Variants in RPS15 observed in about 807,000 individuals in gnomAD.
The protein encoded by RPS15 is ribosomal protein S15, also known as small ribosomal subunit protein uS19.
RPS15 carries 5 observed loss-of-function variants against 14.9 expected under a neutral mutation model. That is an observed-to-expected ratio of 0.34 (90% CI 0.18 to 0.70). RPS15 has a LOEUF of 0.70. Among genes scored for constraint, RPS15 ranks in the 30% least tolerant of loss-of-function variants. The pLI, the probability that RPS15 is intolerant of heterozygous loss-of-function variation, is 0.65. For missense variants in RPS15, 102 were observed against 204.2 expected (o/e 0.50, Z 3.05); for synonymous variants, 103 against 85.0 (o/e 1.21, Z -1.16).
chr19:1,439,731 G>T, intron 2 of RPS15: 1 of 600,398 alleles, frequency 1.7e-6, no homozygotes. Flanking sequence ...TTTGGCCCGA[G>T]CTGTACGCTG....
Position 1,438,717 on chromosome 19 carries a change from C to T in RPS15, c.4-90C>T, listed in dbSNP as rs1403489779. 6.5e-7 allele frequency: 1 copy of T among 1,533,956 alleles called. No individual in the cohort carries two copies. Among genetic ancestry groups the T allele is most frequent in the African/African-American group, 1.4e-5 (1 of 72,740 alleles). On this transcript the variant is annotated intron_variant, in intron 1 of 3. Coordinates refer to ENST00000592588, the MANE Select transcript of RPS15 (RefSeq NM_001018.5). This position sits in a 1 kb window ranked among gnomAD's most constrained non-coding sequence, Gnocchi z 4.8. ...CCTGTCGGGCTTCTGTCCCCGGCGGCGCCGCGCGTCTTCCGCGGTGTCCTC... is the reference window on the plus strand; with the variant it reads ...CCTGTCGGGCTTCTGTCCCCGGCGGTGCCGCGCGTCTTCCGCGGTGTCCTC...
rs748778795 is a variant in RPS15 at position 1,438,504 on chromosome 19, G to A, written c.3+76G>A. 2 of 1,610,216 alleles carry A rather than the reference G, an allele frequency of 1.2e-6. No individual in the cohort carries two copies. Among genetic ancestry groups the A allele is most frequent in the Non-Finnish European group, 8.5e-7 (1 of 1,178,660 alleles). On this transcript the variant is annotated intron_variant, in intron 1 of 3. Coordinates refer to ENST00000592588, the MANE Select transcript of RPS15 (RefSeq NM_001018.5). The surrounding 1 kb of genome is among the most constrained non-coding windows in gnomAD (Gnocchi z 4.8). ...AACCTCTGACCGTCTCGCGGGGGCC[G>A]CAGTTCGTCCCCGCGGCTACGGCGG...
At chr19:1,440,309 G>A (rs1475570707) in intron 3 of RPS15, 40 bp from the exon 4 acceptor site, 1 of 1,608,758 alleles carries the variant, frequency 6.2e-7, no homozygotes, top group Non-Finnish European at 8.5e-7. Flanking sequence ...GATGCAGGCG[G>A]GATCAGCTGA....
chr19:1,438,654 C>G lies in RPS15; in HGVS notation c.4-153C>G, dbSNP rs1296174335. 1 of 1,529,762 alleles carries G rather than the reference C, an allele frequency of 6.5e-7. No homozygotes were observed. 94.8% of individuals were successfully genotyped at this position (1,529,762 alleles called of 1,614,324 possible). A position where few individuals can be genotyped will look rare whatever the true frequency, so the allele number is the denominator to read the frequency against. On this transcript the variant is annotated intron_variant, in intron 1 of 3. Coordinates refer to ENST00000592588, the MANE Select transcript of RPS15 (RefSeq NM_001018.5). The surrounding 1 kb of genome is among the most constrained non-coding windows in gnomAD (Gnocchi z 4.8). ...TGTCCGGGTCCTCGTAACCCGGAGC[C>G]GCGAGTGATCCCCGGGGACGGGTCG... is the stretch of plus-strand genomic sequence containing the variant.
rs2144988056 is a variant in RPS15, at chr19:1,438,854, C to T, written c.51C>T (p.Tyr17=). Residue 17 remains tyrosine (Y), a synonymous_variant, in exon 2 of 4, where the codon TAC becomes TAT. Transcript: ENST00000592588. The surrounding 1 kb of genome is among the most constrained non-coding windows in gnomAD (Gnocchi z 4.8). The part of the protein sequence containing the change: ...KKKRTFRKFT[Y]RGVDLDQLLD... ...AGCGGACCTTCCGCAAGTTCACCTA[C>T]CGCGGCGTGGACCTCGACCAGCTGC... The T allele has an allele frequency of 1.3e-6, 2 of 1,595,256 alleles. No homozygotes were observed. Among genetic ancestry groups the T allele is most frequent in the Non-Finnish European group, 1.7e-6 (2 of 1,171,696 alleles).
Position 1,438,966 on chromosome 19 carries a change from CG to C in RPS15, c.89+79del. Reference sequence around the variant, plus strand: ...GCTTGTCCGGGTGAGGGCGGCGGGGCGGGGGTCCAAGCGCCTCTGCGGCGGT... The same window carrying C: ...GCTTGTCCGGGTGAGGGCGGCGGGGCGGGGTCCAAGCGCCTCTGCGGCGGT... On this transcript the variant is annotated intron_variant, in intron 2 of 3. Coordinates refer to ENST00000592588, the MANE Select transcript of RPS15 (RefSeq NM_001018.5). This position sits in a 1 kb window ranked among gnomAD's most constrained non-coding sequence, Gnocchi z 4.8. The C allele has an allele frequency of 1.5e-6, 1 of 645,802 alleles. No homozygotes were observed. The highest frequency in any genetic ancestry group is 1.5e-5 in the South Asian group (1 of 65,824). 40.0% of individuals were successfully genotyped at this position (645,802 alleles called of 1,614,324 possible).
intron 2 of RPS15, 156 bp from the exon 3 acceptor site, chr19:1,439,863 C>T (rs994449850): frequency 4.3e-6 from 3 of 699,542 alleles, no homozygotes; most frequent in African/African-American, 1.8e-5. Context: ...GCCAGAGGGA[C>T]TTGGCGTGTT....
Position 1,438,716 on chromosome 19 carries a change from G to C in RPS15, c.4-91G>C. 1 of 1,535,230 alleles carries C rather than the reference G, an allele frequency of 6.5e-7. No homozygotes were observed. Among genetic ancestry groups the C allele is most frequent in the South Asian group, 1.2e-5 (1 of 83,784 alleles). On this transcript the variant is annotated intron_variant, in intron 1 of 3. Coordinates refer to ENST00000592588, the MANE Select transcript of RPS15 (RefSeq NM_001018.5). The surrounding 1 kb of genome is among the most constrained non-coding windows in gnomAD (Gnocchi z 4.8). Reference sequence around the variant, plus strand: ...CCCTGTCGGGCTTCTGTCCCCGGCGGCGCCGCGCGTCTTCCGCGGTGTCCT... The same window carrying C: ...CCCTGTCGGGCTTCTGTCCCCGGCGCCGCCGCGCGTCTTCCGCGGTGTCCT...
Position 1,438,668 on chromosome 19 carries a change from G to A in RPS15, c.4-139G>A, listed in dbSNP as rs2083627972. 2.0e-6 allele frequency: 3 copies of A among 1,531,582 alleles called. No individual in the cohort carries two copies. Among genetic ancestry groups the A allele is most frequent in the Non-Finnish European group, 2.6e-6 (3 of 1,133,132 alleles). The allele number at this position is 1,531,582 out of a possible 1,614,324, so 94.9% of individuals were successfully genotyped here. Reference sequence around the variant, plus strand: ...TAACCCGGAGCCGCGAGTGATCCCCGGGGACGGGTCGAAGCGGTGTGTCCC... The same window carrying A: ...TAACCCGGAGCCGCGAGTGATCCCCAGGGACGGGTCGAAGCGGTGTGTCCC... On this transcript the variant is annotated intron_variant, in intron 1 of 3. Coordinates refer to ENST00000592588, the MANE Select transcript of RPS15 (RefSeq NM_001018.5). The surrounding 1 kb of genome is among the most constrained non-coding windows in gnomAD (Gnocchi z 4.8).
At position 1,438,471 on chromosome 19, in the gene RPS15, C is replaced by T; in HGVS notation, c.3+43C>T. On this transcript the variant is annotated intron_variant, in intron 1 of 3. Transcript: ENST00000592588. This position sits in a 1 kb window ranked among gnomAD's most constrained non-coding sequence, Gnocchi z 4.8. ...GCGCGTCTCTGCCGGGCCTATCCGG[C>T]TCCATCCAACCTCTGACCGTCTCGC... is the stretch of plus-strand genomic sequence containing the variant. 6.2e-7 allele frequency: 1 copy of T among 1,613,206 alleles called. No individual in the cohort carries two copies. Among genetic ancestry groups the T allele is most frequent in the Non-Finnish European group, 8.5e-7 (1 of 1,179,874 alleles).
Position 1,438,661 on chromosome 19 carries a change from G to A in RPS15, c.4-146G>A, listed in dbSNP as rs374430711. ...GTCCTCGTAACCCGGAGCCGCGAGT[G>A]ATCCCCGGGGACGGGTCGAAGCGGT... On this transcript the variant is annotated intron_variant, in intron 1 of 3. Coordinates refer to ENST00000592588, the MANE Select transcript of RPS15 (RefSeq NM_001018.5). The surrounding 1 kb of genome is among the most constrained non-coding windows in gnomAD (Gnocchi z 4.8). 1 of 1,530,852 alleles carries A rather than the reference G, an allele frequency of 6.5e-7. No individual in the cohort carries two copies. Among genetic ancestry groups the A allele is most frequent in the African/African-American group, 1.4e-5 (1 of 72,446 alleles). The allele number at this position is 1,530,852 out of a possible 1,614,324, so 94.8% of individuals were successfully genotyped here.
Position 1,440,483 on chromosome 19 carries a change from C to T in RPS15, c.*21C>T, listed in dbSNP as rs1569124178. On this transcript the variant is annotated 3_prime_UTR_variant, in exon 4 of 4. Transcript: ENST00000592588. ...AGTAATGGCTCAGCTAATAAAGGCG[C>T]ACATGACTCCAGTCCTTTGCGCAGC... 3 of 1,554,512 alleles carry T rather than the reference C, an allele frequency of 1.9e-6. No homozygotes were observed. The highest frequency in any genetic ancestry group is 2.7e-6 in the Non-Finnish European group (3 of 1,125,676).
intron 2 of RPS15, 160 bp from the exon 3 acceptor site, chr19:1,439,859 G>C: frequency 1.5e-6 from 1 of 683,624 alleles, no homozygotes; most frequent in East Asian, 2.7e-5. Flanking sequence ...GGGTGCCAGA[G>C]GGACTTGGCG....
intron 2 of RPS15, chr19:1,439,424 G>A: frequency 5.7e-6 from 1 of 176,536 alleles, no homozygotes; most frequent in South Asian, 1.2e-4. Flanking sequence ...CACCACGTCC[G>A]GCTAATTTTT....
At position 1,438,497 on chromosome 19, in the gene RPS15, G is replaced by T. The variant is rs765413492; in HGVS notation, c.3+69G>T. The T allele has an allele frequency of 1.2e-5, 20 of 1,611,438 alleles. No individual in the cohort carries two copies. Among genetic ancestry groups the T allele is most frequent in the East Asian group, 4.5e-5 (2 of 44,748 alleles). On this transcript the variant is annotated intron_variant, in intron 1 of 3. Coordinates refer to ENST00000592588, the MANE Select transcript of RPS15 (RefSeq NM_001018.5). This position sits in a 1 kb window ranked among gnomAD's most constrained non-coding sequence, Gnocchi z 4.8. ...TCCATCCAACCTCTGACCGTCTCGC[G>T]GGGGCCGCAGTTCGTCCCCGCGGCT...
At position 1,438,575 on chromosome 19, in the gene RPS15, G is replaced by C; in HGVS notation, c.3+147G>C. The stretch of plus-strand genomic sequence containing the variant: ...CGGCTGGATGTTGGGGCGAGGGGCG[G>C]ACTTGGTGGGTGTCGGGACGACGCG... On this transcript the variant is annotated intron_variant, in intron 1 of 3. Coordinates refer to ENST00000592588, the MANE Select transcript of RPS15 (RefSeq NM_001018.5). The surrounding 1 kb of genome is among the most constrained non-coding windows in gnomAD (Gnocchi z 4.8). 6.4e-7 allele frequency: 1 copy of C among 1,559,568 alleles called. No homozygotes were observed. The highest frequency in any genetic ancestry group is 8.7e-7 in the Non-Finnish European group (1 of 1,151,170).
Position 1,439,790 on chromosome 19 carries a change from A to G in RPS15, c.90-229A>G, listed in dbSNP as rs1418932931. 4 of 623,442 alleles carry G rather than the reference A, an allele frequency of 6.4e-6. No individual in the cohort carries two copies. In the African/African-American group the frequency reaches 7.3e-5, roughly 11 times the overall value. The allele number at this position is 623,442 out of a possible 1,614,324, so 38.6% of individuals were successfully genotyped here. ...TCTCCGGGCCGCTTGTTCTCTCTGAATCTCTGCAGTCACACGGTGGCTCTT... is the reference window on the plus strand; with the variant it reads ...TCTCCGGGCCGCTTGTTCTCTCTGAGTCTCTGCAGTCACACGGTGGCTCTT... On this transcript the variant is annotated intron_variant, in intron 2 of 3. Transcript: ENST00000592588.
intron 2 of RPS15, chr19:1,439,774 C>G (rs1355715211): frequency 1.6e-6 from 1 of 615,788 alleles, no homozygotes; most frequent in East Asian, 2.7e-5. Context: ...GTCTCCGGGC[C>G]GCTTGTTCTC....
rs538601430 is a variant in RPS15 at position 1,438,456 on chromosome 19, G to T, written c.3+28G>T. The stretch of plus-strand genomic sequence containing the variant: ...GAGTGTTGCGATTTGGCGCGTCTCT[G>T]CCGGGCCTATCCGGCTCCATCCAAC... On this transcript the variant is annotated intron_variant, in intron 1 of 3. Coordinates refer to ENST00000592588, the MANE Select transcript of RPS15 (RefSeq NM_001018.5). The surrounding 1 kb of genome is among the most constrained non-coding windows in gnomAD (Gnocchi z 4.8). 6.2e-7 allele frequency: 1 copy of T among 1,613,286 alleles called. No homozygotes were observed. The highest frequency in any genetic ancestry group is 1.1e-5 in the South Asian group (1 of 91,086).
Sources: gnomAD v4.1 joint callset for allele counts on GRCh38, gnomAD v4.1.1 for gene constraint, Gnocchi (gnomAD v3.1) non-coding constraint, MANE v1.5 for transcripts, NCBI Gene and HGNC (gene_info 2026-07-23, HGNC 2026-07-21) for gene names.